NEK9: variants seen among roughly 807,000 people sequenced by gnomAD.
NEK9 encodes serine/threonine-protein kinase Nek9.
A neutral mutation model predicts 123.4 loss-of-function variants in NEK9; 75 were observed. The ratio of observed to expected loss-of-function variants is 0.61; its 90% CI spans 0.50 to 0.74. NEK9 has a LOEUF of 0.74. Among genes scored for constraint, NEK9 ranks in the 30% least tolerant of loss-of-function variants. The probability of loss-of-function intolerance (pLI) is 0.00; values close to 1 mark genes in which losing one functional copy is unlikely to be tolerated. For synonymous variants in NEK9, 438 were observed against 458.7 expected (o/e 0.95, Z 0.58); for missense variants, 952 against 1,214.4 (o/e 0.78, Z 3.21).
At chr14:75,093,132 G>A (rs190230430) in intron 18 of NEK9, among the ~76,000 whole-genome samples, 1 of 152,238 alleles carries the variant, frequency 6.6e-6, no homozygotes, top group African/African-American at 2.4e-5. Flanking sequence ...AGCCATATGT[G>A]CCCGCTTAAA....
intron 18 of NEK9, among the ~76,000 whole-genome samples, chr14:75,092,147 G>C (rs927081805): frequency 9.9e-5 from 15 of 151,144 alleles, no homozygotes; most frequent in African/African-American, 3.6e-4. Flanking sequence ...GCCCAGCTAA[G>C]TTTTGTATTT....
chr14:75,122,950 C>T (rs1347549905), intron 2 of NEK9, among the ~76,000 whole-genome samples: 1 of 151,948 alleles, frequency 6.6e-6, no homozygotes, highest in East Asian at 1.9e-4. Flanking sequence ...AGGTGCACAC[C>T]ACCCAGCTAA....
chr14:75,119,417 C>T (rs970480678), intron 4 of NEK9, among the ~76,000 whole-genome samples: 1 of 152,204 alleles, frequency 6.6e-6, no homozygotes, highest in African/African-American at 2.4e-5. Context: ...TGCTATTTAA[C>T]ACTGAAGTGG....
chr14:75,104,788 T>C (rs1454340919), intron 13 of NEK9, among the ~76,000 whole-genome samples: 1 of 152,204 alleles, frequency 6.6e-6, no homozygotes, highest in Non-Finnish European at 1.5e-5. Context: ...CGGTCAAGGC[T>C]ACTGTTGTCA....
chr14:75,096,276 CAAAAAAAAAAAA>C (rs57130386), intron 17 of NEK9, among the ~76,000 whole-genome samples: 2 of 79,722 alleles, frequency 2.5e-5, no homozygotes, highest in East Asian at 8.5e-4. Flanking sequence ...GACTTCGTCT[CAAAAAAAAAAAA>C]AAAAAAAAAA....
intron 15 of NEK9, 121 bp from the exon 16 acceptor site, chr14:75,101,274 G>T: frequency 9.3e-7 from 1 of 1,071,804 alleles, no homozygotes; most frequent in Non-Finnish European, 1.3e-6. Context: ...TATAAAACTA[G>T]CCACATGATC....
chr14:75,108,340 G>A (rs1327699256), intron 10 of NEK9, among the ~76,000 whole-genome samples: 1 of 151,944 alleles, frequency 6.6e-6, no homozygotes, highest in Non-Finnish European at 1.5e-5. Context: ...TGGCCAGGCT[G>A]GTCTCGAACT....
At position 75,108,282 on chromosome 14, in the gene NEK9, G is replaced by A. The variant is rs550394787; in HGVS notation, c.1183-795C>T. On this transcript the variant is annotated intron_variant, in intron 10 of 21. Transcript: ENST00000238616. Reference sequence around the variant, plus strand: ...AGGGATTACAGGTGCCCGCCACCACGCCTGGCTAATTTTTTGTATGTTTAG... The same window carrying A: ...AGGGATTACAGGTGCCCGCCACCACACCTGGCTAATTTTTTGTATGTTTAG... Among the ~76,000 whole-genome samples the A allele has an allele frequency of 7.9e-5, 12 of 151,592 alleles. No individual in the cohort carries two copies. In the South Asian group the frequency reaches 1.0e-3, roughly 13 times the overall value.
chr14:75,082,824 A>T lies in NEK9; in HGVS notation c.*1740T>A, dbSNP rs904663466. On this transcript the variant is annotated 3_prime_UTR_variant, in exon 22 of 22. Coordinates refer to ENST00000238616, the MANE Select transcript of NEK9 (RefSeq NM_033116.6). ...AGTTGCATTTACATGCTGAACCAAA[A>T]CCCACTGTTACAGTTTATGACAACC... 1.0e-5 allele frequency: 4 copies of T among 397,176 alleles called. No homozygotes were observed. Among genetic ancestry groups the T allele is most frequent in the Non-Finnish European group, 1.3e-5 (3 of 225,718 alleles). The allele number at this position is 397,176 out of a possible 1,614,324, so 24.6% of individuals were successfully genotyped here. A position where few individuals can be genotyped will look rare whatever the true frequency, so the allele number is the denominator to read the frequency against.
rs1894898532 is a variant in NEK9, at chr14:75,109,762, A to G, written c.1105T>C (p.Cys369Arg). The change falls in exon 10 of 22, where the codon TGT becomes CGT. Residue 369 changes from cysteine to arginine, a missense_variant. Transcript: ENST00000238616. Reference protein sequence around the residue: ...PQKLDVIKSGCSARQVCAGNT... With the variant: ...PQKLDVIKSGRSARQVCAGNT... The stretch of plus-strand genomic sequence containing the variant: ...CCTGCACAGACCTGCCGGGCACTAC[A>G]GCCACTCTTGATAACATCCAGTTTC... The G allele has an allele frequency of 6.2e-7, 1 of 1,614,202 alleles. No homozygotes were observed. The highest frequency in any genetic ancestry group is 1.1e-5 in the South Asian group (1 of 91,082).
chr14:75,108,387 A>G (rs907178934), intron 10 of NEK9, among the ~76,000 whole-genome samples: 15 of 151,680 alleles, frequency 9.9e-5, no homozygotes, highest in African/African-American at 3.6e-4. Flanking sequence ...CGGCCTCCCA[A>G]AGTTTTGAGA....
intron 7 of NEK9, 149 bp downstream of exon 7, chr14:75,114,054 A>G (rs1895047311): frequency 1.8e-6 from 1 of 568,042 alleles, no homozygotes; most frequent in African/African-American, 1.9e-5. Flanking sequence ...ATAATGAATT[A>G]CCAATACCTA....
intron 18 of NEK9, among the ~76,000 whole-genome samples, chr14:75,092,675 C>T (rs750734144): frequency 7.9e-5 from 12 of 152,092 alleles, no homozygotes; most frequent in Non-Finnish European, 1.8e-4. Context: ...TCCAAGCAAC[C>T]TTAATGAAGA....
intron 3 of NEK9, chr14:75,120,837 A>G: frequency 1.7e-6 from 1 of 588,054 alleles, no homozygotes. Flanking sequence ...AGGAAAATTC[A>G]GGAAGAATGC....
chr14:75,082,469 A>G lies in NEK9; in HGVS notation c.*2095T>C, dbSNP rs529416410. The stretch of plus-strand genomic sequence containing the variant: ...ATGGCTGTCCCAGGCACAATATGGG[A>G]AAGTGCAAACTGTCTCTAAGGCACA... On this transcript the variant is annotated 3_prime_UTR_variant, in exon 22 of 22. Transcript: ENST00000238616. The G allele has an allele frequency of 6.6e-5, 10 of 152,544 alleles. No individual in the cohort carries two copies. In the South Asian group the frequency reaches 1.4e-3, roughly 22 times the overall value. 9.4% of individuals were successfully genotyped at this position (152,544 alleles called of 1,614,324 possible).
Position 75,083,790 on chromosome 14 carries a change from C to T in NEK9, c.*774G>A, listed in dbSNP as rs1375250811. 1.3e-5 allele frequency: 2 copies of T among 152,112 alleles called. No individual in the cohort carries two copies. Among genetic ancestry groups the T allele is most frequent in the African/African-American group, 4.8e-5 (2 of 41,350 alleles). The allele number at this position is 152,112 out of a possible 1,614,324, so 9.4% of individuals were successfully genotyped here. A position where few individuals can be genotyped will look rare whatever the true frequency, so the allele number is the denominator to read the frequency against. ...CCATGGACTCAATTCTCTGAGACAC[C>T]TCATCCCTCAGAGACACCTCATCCC... On this transcript the variant is annotated 3_prime_UTR_variant, in exon 22 of 22. Transcript: ENST00000238616.
At chr14:75,113,104 G>A (rs544462608) in intron 8 of NEK9, among the ~76,000 whole-genome samples, 144 of 152,154 alleles carry the variant, frequency 9.5e-4, no homozygotes, top group Non-Finnish European at 1.8e-3. Flanking sequence ...AAACCAATGG[G>A]TTGGGGAGTG....
intron 1 of NEK9, among the ~76,000 whole-genome samples, chr14:75,125,947 T>C (rs1042565717): frequency 1.3e-5 from 2 of 152,200 alleles, no homozygotes; most frequent in African/African-American, 4.8e-5. Flanking sequence ...CACTAGTATA[T>C]ATTAACTTGG....
intron 4 of NEK9, among the ~76,000 whole-genome samples, chr14:75,119,223 G>C (rs564392118): frequency 6.6e-6 from 1 of 152,012 alleles, no homozygotes; most frequent in Admixed American, 6.5e-5. Context: ...AAAGCACCGA[G>C]AATCAGTTGA....
Sources: allele counts gnomAD v4.1 joint callset (sites outside exome capture counted in the v4.1 genomes callset), GRCh38; gene constraint gnomAD v4.1.1; transcripts MANE v1.5; gene names NCBI Gene and HGNC (gene_info 2026-07-23, HGNC 2026-07-21).